ZNF226: variants seen among roughly 807,000 people sequenced by gnomAD.
ZNF226 encodes the protein zinc finger protein 226.
Under a neutral mutation model 11.4 loss-of-function variants are expected in ZNF226, and 6 were observed. That is an observed-to-expected ratio of 0.53 (90% CI 0.29 to 1.04). The LOEUF is 1.04. Ranked by LOEUF, ZNF226 falls within the 50% of genes least tolerant of loss-of-function variation. The pLI is 0.08. For missense variants in ZNF226, 1,058 were observed against 956.5 expected (o/e 1.11, Z -1.40); for synonymous variants, 350 against 322.8 (o/e 1.08, Z -0.90).
the ZNF226 span, among the ~76,000 whole-genome samples, chr19:44,197,236 C>A: frequency 2.6e-5 from 4 of 152,068 alleles, no homozygotes; most frequent in African/African-American, 9.7e-5. Context: ...TTTCTGCTTG[C>A]TAGAAGTGGA....
chr19:44,179,294 A>G (rs1169003409), downstream of ZNF226, among the ~76,000 whole-genome samples: 1 of 152,176 alleles, frequency 6.6e-6, no homozygotes, highest in African/African-American at 2.4e-5. Context: ...AATTTTTTTC[A>G]CATTTAACTT....
chr19:44,165,368 C>G (rs894234347), intron 1 of ZNF226: 2 of 152,128 alleles, frequency 1.3e-5, no homozygotes, highest in South Asian at 4.2e-4. Context: ...TCGGGCTGTT[C>G]GCTCCCTCAT....
intron 5 of ZNF226, chr19:44,173,217 C>A: frequency 1.9e-6 from 1 of 530,522 alleles, no homozygotes. Context: ...AGAGTAAAAT[C>A]CACTTAATGT....
chr19:44,197,763 A>C, the ZNF226 span, among the ~76,000 whole-genome samples: 1 of 152,212 alleles, frequency 6.6e-6, no homozygotes, highest in South Asian at 2.1e-4. Context: ...TATTCTGCTT[A>C]CAAGCCTTTT....
Position 44,177,287 on chromosome 19 carries a change from G to A in ZNF226, c.2025G>A (p.Glu675=). The change falls in exon 6 of 6, where the codon GAG becomes GAA. Residue 675 remains glutamate (E), a synonymous_variant. Transcript: ENST00000337433. ...HTGDKPYKCD[E]CGKGFKWSLN... ...GAGATAAGCCATACAAATGTGATGA[G>A]TGTGGGAAGGGCTTCAAGTGGAGCT... is the stretch of plus-strand genomic sequence containing the variant. The A allele has an allele frequency of 6.2e-7, 1 of 1,613,912 alleles. No homozygotes were observed. Among genetic ancestry groups the A allele is most frequent in the Non-Finnish European group, 8.5e-7 (1 of 1,179,956 alleles).
At chr19:44,179,619 G>A (rs893135558), downstream of ZNF226, among the ~76,000 whole-genome samples, 5 of 152,138 alleles carry the variant, frequency 3.3e-5, no homozygotes, top group Non-Finnish European at 7.3e-5. Context: ...TGTAATTCCA[G>A]TAGTAGGAAT....
chr19:44,172,834 C>T, intron 4 of ZNF226, 26 bp from the exon 5 acceptor site: 6 of 1,561,490 alleles, frequency 3.8e-6, no homozygotes, highest in Non-Finnish European at 5.2e-6. Flanking sequence ...TGTTCATTTT[C>T]AACTTGTGAT....
At position 44,173,164 on chromosome 19, in the gene ZNF226, A is replaced by G. The variant is rs950100265; in HGVS notation, c.235+212A>G. The G allele has an allele frequency of 3.7e-5, 21 of 573,748 alleles. No homozygotes were observed. The East Asian group carries it at 4.6e-4, about 12-fold the overall frequency. 35.5% of individuals were successfully genotyped at this position (573,748 alleles called of 1,614,324 possible). ...AGTTTTTGTTACCTTGTGTCAGACTATGTTGTTCTTCTGCTCAAAATTCTC... is the reference window on the plus strand; with the variant it reads ...AGTTTTTGTTACCTTGTGTCAGACTGTGTTGTTCTTCTGCTCAAAATTCTC... On this transcript the variant is annotated intron_variant, in intron 5 of 5. Coordinates refer to ENST00000337433, the MANE Select transcript of ZNF226 (RefSeq NM_001032373.2).
Position 44,176,236 on chromosome 19 carries a change from A to G in ZNF226, c.974A>G (p.His325Arg), listed in dbSNP as rs778420948. The G allele has an allele frequency of 5.0e-6, 8 of 1,614,240 alleles. No individual in the cohort carries two copies. The highest frequency in any genetic ancestry group is 4.2e-6 in the Non-Finnish European group (5 of 1,180,036). ...EFSQGAHLQTHQKVHVIEKPY... is the reference protein window; with the variant it reads ...EFSQGAHLQTRQKVHVIEKPY... ...AGTCAGGGCGCTCATCTACAGACCC[A>G]TCAGAAAGTCCACGTGATAGAGAAA... The change falls in exon 6 of 6, where the codon CAT becomes CGT. Residue 325 changes from histidine to arginine, a missense_variant. Physicochemically the swap from His to Arg is conservative, Grantham distance 29 (BLOSUM62 0). Transcript: ENST00000337433.
At chr19:44,194,560 C>T in the ZNF226 span, among the ~76,000 whole-genome samples, 3 of 152,176 alleles carry the variant, frequency 2.0e-5, no homozygotes, top group Admixed American at 2.0e-4. Context: ...ATTACAGGCA[C>T]AAGCCACCAT....
At chr19:44,198,151 A>T in the ZNF226 span, among the ~76,000 whole-genome samples, 1 of 152,172 alleles carries the variant, frequency 6.6e-6, no homozygotes, top group Non-Finnish European at 1.5e-5. Context: ...TGAACTTTCT[A>T]TTATCTTCCA....
intron 2 of ZNF226, among the ~76,000 whole-genome samples, chr19:44,166,353 T>C (rs1783464543): frequency 6.6e-6 from 1 of 151,960 alleles, no homozygotes; most frequent in African/African-American, 2.4e-5. Context: ...ATACAAAAAT[T>C]AGCCAGGCGT....
At chr19:44,166,402 G>A (rs1969377121) in intron 2 of ZNF226, among the ~76,000 whole-genome samples, 1 of 152,184 alleles carries the variant, frequency 6.6e-6, no homozygotes, top group African/African-American at 2.4e-5. Context: ...TTGGGAAGCT[G>A]GGGCAGGAGA....
rs1179392697 is a variant in ZNF226, at chr19:44,177,151, T to C, written c.1889T>C (p.Leu630Pro). 1 of 1,613,928 alleles carries C rather than the reference T, an allele frequency of 6.2e-7. No individual in the cohort carries two copies. Among genetic ancestry groups the C allele is most frequent in the South Asian group, 1.1e-5 (1 of 91,066 alleles). The change falls in exon 6 of 6, where the codon CTT becomes CCT. Residue 630 changes from leucine (L) to proline (P), a missense_variant. Physicochemically the swap from Leu to Pro is moderately conservative, Grantham distance 98. Transcript: ENST00000337433. ...AAGGTCTTCAGGCAGGCCTCAAATC[T>C]TTTGGCCCATCAGAGAGTCCACAGT... ...CGKVFRQASN[L>P]LAHQRVHSGE... is the part of the protein sequence containing the mutation.
rs201119111 is a variant in ZNF226 at position 44,176,691 on chromosome 19, T to C, written c.1429T>C (p.Cys477Arg). 780 of 1,614,064 alleles carry C rather than the reference T, an allele frequency of 4.8e-4. No homozygotes were observed. The highest frequency in any genetic ancestry group is 6.2e-4 in the Non-Finnish European group (731 of 1,179,990). Reference sequence around the variant, plus strand: ...TCACACTGGAGAGAAGTCATACATATGTACTGTATGTGGGAAAGGCTTTAC... The same window carrying C: ...TCACACTGGAGAGAAGTCATACATACGTACTGTATGTGGGAAAGGCTTTAC... ...GVHTGEKSYI[C>R]TVCGKGFTLS... Residue 477 changes from cysteine to arginine, a missense_variant, in exon 6 of 6, where the codon TGT becomes CGT. Physicochemically the swap from Cys to Arg is radical, Grantham distance 180. Transcript: ENST00000337433.
At chr19:44,175,195 C>A in intron 5 of ZNF226, 1 of 1,421,830 alleles carries the variant, frequency 7.0e-7, no homozygotes, top group Non-Finnish European at 9.1e-7. Flanking sequence ...AATGTTTTTC[C>A]TTATTGATAC....
At chr19:44,170,701 T>C (rs1461057458) in intron 3 of ZNF226, among the ~76,000 whole-genome samples, 2 of 152,096 alleles carry the variant, frequency 1.3e-5, no homozygotes, top group African/African-American at 4.8e-5. Context: ...ACCACTGCAC[T>C]CCAGCCAGGG....
At chr19:44,192,628 T>C in the ZNF226 span, among the ~76,000 whole-genome samples, 160 of 152,262 alleles carry the variant, frequency 1.1e-3, no homozygotes, top group Middle Eastern at 3.4e-3. Flanking sequence ...AGATATGAAT[T>C]TGAAAAGCTT....
At position 44,177,548 on chromosome 19, in the gene ZNF226, G is replaced by T; in HGVS notation, c.2286G>T (p.Lys762Asn). 1.2e-6 allele frequency: 2 copies of T among 1,614,072 alleles called. No individual in the cohort carries two copies. The highest frequency in any genetic ancestry group is 1.7e-6 in the Non-Finnish European group (2 of 1,179,950). Residue 762 changes from lysine (K) to asparagine (N), a missense_variant, in exon 6 of 6, where the codon AAG becomes AAT. Physicochemically the swap from Lys to Asn is moderately conservative, Grantham distance 94. Transcript: ENST00000337433. The part of the protein sequence containing the change: ...EKPYKCEICG[K>N]SFSWRSNLTV... ...CTTATAAATGTGAGATATGTGGTAA[G>T]AGCTTCAGTTGGCGATCAAATCTTA...
Sources: allele counts gnomAD v4.1 joint callset (sites outside exome capture counted in the v4.1 genomes callset), GRCh38; gene constraint gnomAD v4.1.1; transcripts MANE v1.5; gene names NCBI Gene and HGNC (gene_info 2026-07-23, HGNC 2026-07-21).